MMP26: variants seen among roughly 807,000 people sequenced by gnomAD.
MMP26 encodes the protein matrix metallopeptidase 26.
In MMP26, 33 loss-of-function variants were observed where a neutral mutation model predicts 31.0. The observed-to-expected ratio is 1.06, with a 90% CI of 0.81 to 1.42. MMP26 has a LOEUF of 1.42. Among genes scored for constraint, MMP26 ranks in the 40% most tolerant of loss-of-function variants. MMP26 has a pLI of 0.00. For synonymous variants in MMP26, 122 were observed against 114.9 expected, an observed-to-expected ratio of 1.06 and a Z score of -0.40; for missense variants, 347 against 316.1, an observed-to-expected ratio of 1.10 and a Z score of -0.74.
intron 2 of MMP26, chr11:4,955,314 A>G (rs142447423): frequency 8.7e-7 from 1 of 1,153,486 alleles, no homozygotes; most frequent in Non-Finnish European, 1.2e-6. Flanking sequence ...ATTGAGGTGT[A>G]TCTCAGAGGA....
chr11:4,784,582 G>A (rs996183281), intron 2 of MMP26, among the ~76,000 whole-genome samples: 1 of 152,328 alleles, frequency 6.6e-6, no homozygotes, highest in South Asian at 2.1e-4. Flanking sequence ...GCATCATGTA[G>A]CCACATGCCA....
At chr11:4,928,517 G>T (rs1388293225) in intron 2 of MMP26, among the ~76,000 whole-genome samples, 2 of 152,146 alleles carry the variant, frequency 1.3e-5, no homozygotes, top group Non-Finnish European at 2.9e-5. Context: ...TAGCTGAAAT[G>T]TAATGGGTTT....
chr11:4,908,617 A>G (rs1169936284), intron 2 of MMP26: 10 of 411,542 alleles, frequency 2.4e-5, no homozygotes, highest in Non-Finnish European at 4.5e-5. Context: ...TGAGATTACC[A>G]TTCAGTTAGT....
chr11:4,813,496 G>A (rs1849378639), intron 2 of MMP26, among the ~76,000 whole-genome samples: 1 of 151,924 alleles, frequency 6.6e-6, no homozygotes, highest in African/African-American at 2.4e-5. Context: ...CAAAGTGCTA[G>A]GATTACAGGC....
chr11:4,778,087 G>A (rs1848812075), intron 2 of MMP26, among the ~76,000 whole-genome samples: 1 of 152,068 alleles, frequency 6.6e-6, no homozygotes, highest in African/African-American at 2.4e-5. Flanking sequence ...ATATGGCAGT[G>A]CATGGCAGTT....
At chr11:4,863,583 C>A (rs1850194412) in intron 2 of MMP26, 1 of 152,098 alleles carries the variant, frequency 6.6e-6, no homozygotes, top group Non-Finnish European at 1.5e-5. Flanking sequence ...ATACAGAGGA[C>A]ATGGAAAAAA....
At chr11:4,926,032 G>C (rs1029189992) in intron 2 of MMP26, among the ~76,000 whole-genome samples, 4 of 152,110 alleles carry the variant, frequency 2.6e-5, no homozygotes, top group African/African-American at 2.4e-5. Context: ...AGGAAGTTGA[G>C]AACATTCTTT....
intron 2 of MMP26, among the ~76,000 whole-genome samples, chr11:4,874,951 T>A (rs1238326300): frequency 6.6e-6 from 1 of 152,070 alleles, no homozygotes; most frequent in Non-Finnish European, 1.5e-5. Context: ...AACAGCCACA[T>A]AGAAGCGTGG....
At chr11:4,764,249 A>G (rs1848601173) in intron 1 of MMP26, among the ~76,000 whole-genome samples, 1 of 152,198 alleles carries the variant, frequency 6.6e-6, no homozygotes, top group African/African-American at 2.4e-5. Context: ...AAAGTTGACA[A>G]TATTTTTTTG....
intron 1 of MMP26, among the ~76,000 whole-genome samples, chr11:4,760,668 T>C (rs1000009141): frequency 6.6e-6 from 1 of 152,216 alleles, no homozygotes; most frequent in Non-Finnish European, 1.5e-5. Context: ...AAGTTTTCCA[T>C]TGATAGATTT....
At chr11:4,983,223 G>A (rs1846840131) in intron 2 of MMP26, among the ~76,000 whole-genome samples, 1 of 152,146 alleles carries the variant, frequency 6.6e-6, no homozygotes, top group African/African-American at 2.4e-5. Context: ...CTGGGGCATC[G>A]ATGGCTCCTT....
chr11:4,869,255 G>A (rs1348125531), intron 2 of MMP26, among the ~76,000 whole-genome samples: 1 of 152,096 alleles, frequency 6.6e-6, no homozygotes, highest in Non-Finnish European at 1.5e-5. Context: ...CACAGCAAAA[G>A]AAACTACCAT....
chr11:4,969,592 TTTTG>T (rs1589821319), intron 2 of MMP26, among the ~76,000 whole-genome samples: 1 of 152,082 alleles, frequency 6.6e-6, no homozygotes, highest in Admixed American at 6.5e-5. Flanking sequence ...TTTTGTTTAT[TTTTG>T]TTTGTTTGTT....
At chr11:4,717,796 T>G (rs1197751666) in intron 1 of MMP26, among the ~76,000 whole-genome samples, 1 of 152,184 alleles carries the variant, frequency 6.6e-6, no homozygotes, top group Non-Finnish European at 1.5e-5. Context: ...GTTTAGTAAC[T>G]CATCATGTGG....
At chr11:4,880,305 C>A (rs781234445) in intron 2 of MMP26, among the ~76,000 whole-genome samples, 4 of 151,394 alleles carry the variant, frequency 2.6e-5, no homozygotes, top group Middle Eastern at 3.4e-3. Context: ...GGAGTGCAAA[C>A]GTGGAGAAAA....
At chr11:4,933,211 G>A (rs1851375908) in intron 2 of MMP26, among the ~76,000 whole-genome samples, 1 of 151,926 alleles carries the variant, frequency 6.6e-6, no homozygotes, top group African/African-American at 2.4e-5. Flanking sequence ...TGGTTTTTGT[G>A]ACTCTATATA....
chr11:4,828,291 C>G (rs970744469), intron 2 of MMP26, among the ~76,000 whole-genome samples: 8 of 152,130 alleles, frequency 5.3e-5, no homozygotes, highest in Non-Finnish European at 1.2e-4. Flanking sequence ...AAGTTTACCT[C>G]TAAAAGTTTC....
chr11:4,907,531 G>T (rs188107887), intron 2 of MMP26: 2 of 1,613,992 alleles, frequency 1.2e-6, no homozygotes, highest in Non-Finnish European at 1.7e-6. Flanking sequence ...CAGAGCCCTC[G>T]CTTCATGAGC....
At chr11:4,820,476 G>T (rs1447511960) in intron 2 of MMP26, among the ~76,000 whole-genome samples, 1 of 151,848 alleles carries the variant, frequency 6.6e-6, no homozygotes. Context: ...TTATGGTAAG[G>T]TTTGCTTTTT....
Sources: allele counts gnomAD v4.1 joint callset (sites outside exome capture counted in the v4.1 genomes callset), GRCh38; gene constraint gnomAD v4.1.1; transcripts MANE v1.5; gene names NCBI Gene and HGNC (gene_info 2026-07-23, HGNC 2026-07-21).